The following PKHD1 variants were observed in gnomAD, a reference collection of about 807,000 sequenced individuals.
PKHD1 encodes the protein PKHD1 ciliary IPT domain containing fibrocystin/polyductin, also known as fibrocystin.
Under a neutral mutation model 412.0 loss-of-function variants are expected in PKHD1, and 291 were observed. The observed-to-expected ratio is 0.71, with a 90% CI of 0.64 to 0.78. PKHD1 has a LOEUF of 0.78. Among genes scored for constraint, PKHD1 ranks in the 30% least tolerant of loss-of-function variants. The pLI, the probability that PKHD1 is intolerant of heterozygous loss-of-function variation, is 0.00. For synonymous variants in PKHD1, 1,777 were observed against 1,821.5 expected, an observed-to-expected ratio of 0.98 and a Z score of 0.62; for missense variants, 4,825 against 4,950.7, an observed-to-expected ratio of 0.97 and a Z score of 0.76.
At chr6:51,931,249 T>G (rs1439057902) in intron 37 of PKHD1, among the ~76,000 whole-genome samples, 1 of 152,214 alleles carries the variant, frequency 6.6e-6, no homozygotes, top group Non-Finnish European at 1.5e-5. Context: ...AAGGCTCTTC[T>G]GTGCGCCAAA....
intron 61 of PKHD1, among the ~76,000 whole-genome samples, chr6:51,653,012 G>C (rs1771207521): frequency 6.6e-6 from 1 of 152,072 alleles, no homozygotes; most frequent in Admixed American, 6.6e-5. Flanking sequence ...CAATTCTAAA[G>C]AATTCTAAAT....
chr6:51,766,617 A>ATTTTTATTTTTTTTTTTTTT (rs1789073653), intron 55 of PKHD1, among the ~76,000 whole-genome samples: 2 of 151,274 alleles, frequency 1.3e-5, no homozygotes, highest in African/African-American at 4.8e-5. Flanking sequence ...GTGTATTCAT[A>ATTTTTATTTTTTTTTTTTTT]TTTTTATTTT....
chr6:52,002,518 G>A lies in PKHD1; in HGVS notation c.5751+7791C>T, dbSNP rs533462514. Among the ~76,000 whole-genome samples, 7 of 152,328 alleles carry A rather than the reference G, an allele frequency of 4.6e-5. No individual in the cohort carries two copies. The South Asian group carries it at 1.4e-3, about 32-fold the overall frequency. ...AATACAGGCACAAGGGACTCAGTAA[G>A]TTTCCTCCAGGACAGCCAGGTCAGG... On this transcript the variant is annotated intron_variant, in intron 35 of 66. Transcript: ENST00000371117.
rs530871436 is a variant in PKHD1, at chr6:51,888,131, T to C, written c.6997-886A>G. ...CCACATGATTGGACCAGTCATGACT[T>C]AGTACCAAGACAGGGTGACTGAGTA... On this transcript the variant is annotated intron_variant, in intron 43 of 66. Coordinates refer to ENST00000371117, the MANE Select transcript of PKHD1 (RefSeq NM_138694.4). Among the ~76,000 whole-genome samples, 9 of 152,368 alleles carry C rather than the reference T, an allele frequency of 5.9e-5. No individual in the cohort carries two copies. The South Asian group carries it at 1.2e-3, about 21-fold the overall frequency.
rs1766059814 is a variant in PKHD1, at chr6:51,616,308, A to T, written c.*2773T>A. On this transcript the variant is annotated 3_prime_UTR_variant, in exon 67 of 67. Transcript: ENST00000371117. ...AGAAAATCAGCAATGGGAGGCAAGAAGAGATTCTTTGAACTAACACAGGAA... is the reference window on the plus strand; with the variant it reads ...AGAAAATCAGCAATGGGAGGCAAGATGAGATTCTTTGAACTAACACAGGAA... 5.5e-6 allele frequency: 1 copy of T among 181,392 alleles called. No homozygotes were observed. Among genetic ancestry groups the T allele is most frequent in the Admixed American group, 6.2e-5 (1 of 16,192 alleles). The allele number at this position is 181,392 out of a possible 1,614,324, so 11.2% of individuals were successfully genotyped here.
At chr6:52,044,854 T>G in intron 25 of PKHD1, 112 bp downstream of exon 25, 5 of 1,197,458 alleles carry the variant, frequency 4.2e-6, no homozygotes, top group Non-Finnish European at 6.2e-6. Context: ...GTTTTACACA[T>G]TGGCAAAATG....
At chr6:51,646,390 T>A (rs1360374497) in intron 63 of PKHD1, among the ~76,000 whole-genome samples, 1 of 152,172 alleles carries the variant, frequency 6.6e-6, no homozygotes, top group Non-Finnish European at 1.5e-5. Context: ...GGAGATTGAC[T>A]GCACACAATA....
At chr6:51,635,954 C>G (rs1396577820) in intron 64 of PKHD1, among the ~76,000 whole-genome samples, 1 of 151,764 alleles carries the variant, frequency 6.6e-6, no homozygotes, top group Non-Finnish European at 1.5e-5. Context: ...CTGAGAACCC[C>G]ACGGCACCAA....
chr6:51,979,410 C>T lies in PKHD1; in HGVS notation c.5752-19384G>A, dbSNP rs113967015. On this transcript the variant is annotated intron_variant, in intron 35 of 66. Transcript: ENST00000371117. Reference sequence around the variant, plus strand: ...GAATGAATAAATGTTAAATGGACGACCATTGATTGCAACAGCCATTCTGAT... The same window carrying T: ...GAATGAATAAATGTTAAATGGACGATCATTGATTGCAACAGCCATTCTGAT... Among the ~76,000 whole-genome samples, 759 of 152,212 alleles carry T rather than the reference C, an allele frequency of 5.0e-3. 7 individuals are homozygous for T. The highest frequency in any genetic ancestry group is 0.017 in the African/African-American group (721 of 41,528).
intron 52 of PKHD1, among the ~76,000 whole-genome samples, chr6:51,797,014 G>A (rs6458785): frequency 0.59 from 89,955 of 151,780 alleles, 27,289 homozygotes; most frequent in East Asian, 0.83. Context: ...GGGTTTCACC[G>A]TGTTGCCCAG....
rs1418094636 is a variant in PKHD1, at chr6:52,046,141, T to C, written c.2455A>G (p.Asn819Asp). The C allele has an allele frequency of 6.2e-7, 1 of 1,613,782 alleles. No homozygotes were observed. Among genetic ancestry groups the C allele is most frequent in the Admixed American group, 1.7e-5 (1 of 60,022 alleles). ...CTGGATGTGAAGTCATCGGCATTAT[T>C]CTGTAAGAGCTGGTGAAGGTGATGA... ...SAHHLHQLLQ[N>D]NADDFTSRYL... Residue 819 changes from asparagine (N) to aspartate (D), a missense_variant, in exon 24 of 67, where the codon AAT becomes GAT. By Grantham distance (23) the Asn-to-Asp change is conservative. Transcript: ENST00000371117.
At chr6:51,815,191 C>T (rs748248012) in intron 52 of PKHD1, among the ~76,000 whole-genome samples, 2 of 152,212 alleles carry the variant, frequency 1.3e-5, no homozygotes, top group Non-Finnish European at 2.9e-5. Flanking sequence ...CATTTATTTA[C>T]TCTAGCATTT....
At chr6:52,084,838 A>T (rs375961476) in intron 2 of PKHD1, 44 bp downstream of exon 2, 24 of 1,167,804 alleles carry the variant, frequency 2.1e-5, no homozygotes, top group Admixed American at 1.7e-5. Context: ...AAGGTAACCT[A>T]TTGTGTTCTT....
rs534682689 is a variant in PKHD1 at position 51,737,390 on chromosome 6, T to G, written c.10156+6995A>C. On this transcript the variant is annotated intron_variant, in intron 60 of 66. Transcript: ENST00000371117. The stretch of plus-strand genomic sequence containing the variant: ...GACATTTTGAGGTCAGTCACCTCAC[T>G]TCTAGGAAAAATGATCCATTTAAAA... Among the ~76,000 whole-genome samples, 6 of 152,350 alleles carry G rather than the reference T, an allele frequency of 3.9e-5. No individual in the cohort carries two copies. The South Asian group carries it at 1.2e-3, about 32-fold the overall frequency.
intron 27 of PKHD1, among the ~76,000 whole-genome samples, chr6:52,039,131 T>C (rs977529678): frequency 1.3e-5 from 2 of 152,192 alleles, no homozygotes; most frequent in South Asian, 2.1e-4. Flanking sequence ...TGAAAAGATA[T>C]TCAACATTTT....
intron 36 of PKHD1, among the ~76,000 whole-genome samples, chr6:51,939,894 A>G (rs1333692897): frequency 1.3e-5 from 2 of 151,222 alleles, no homozygotes; most frequent in African/African-American, 4.8e-5. Context: ...TAATCCTTTT[A>G]TCACCTCCCT....
intron 35 of PKHD1, among the ~76,000 whole-genome samples, chr6:51,964,781 C>T (rs1434717721): frequency 6.6e-6 from 1 of 152,024 alleles, no homozygotes; most frequent in Non-Finnish European, 1.5e-5. Context: ...ACGAAACCAA[C>T]TTTATTTACC....
chr6:51,748,321 A>G lies in PKHD1; in HGVS notation c.9295T>C (p.Ser3099Pro). 1 of 1,614,028 alleles carries G rather than the reference A, an allele frequency of 6.2e-7. No individual in the cohort carries two copies. Among genetic ancestry groups the G allele is most frequent in the Non-Finnish European group, 8.5e-7 (1 of 1,179,972 alleles). Residue 3099 changes from serine (S) to proline (P), a missense_variant, in exon 58 of 67, where the codon TCA becomes CCA. Coordinates refer to ENST00000371117, the MANE Select transcript of PKHD1 (RefSeq NM_138694.4). Reference sequence around the variant, plus strand: ...CGGATGTGAAAGCCAAGTCTCTCTGATCCTGCCACAACGTTGCCATGGAGG... The same window carrying G: ...CGGATGTGAAAGCCAAGTCTCTCTGGTCCTGCCACAACGTTGCCATGGAGG... ...INLHGNVVAG[S>P]ERLGFHIRGH...
intron 37 of PKHD1, among the ~76,000 whole-genome samples, chr6:51,926,082 T>C (rs1384617738): frequency 6.6e-6 from 1 of 151,498 alleles, no homozygotes; most frequent in Non-Finnish European, 1.5e-5. Context: ...ACATAATACA[T>C]TAAATAATGT....
Sources: gnomAD v4.1 joint callset for allele counts (sites outside exome capture counted in the v4.1 genomes callset) on GRCh38, gnomAD v4.1.1 for gene constraint, MANE v1.5 for transcripts, NCBI Gene and HGNC (gene_info 2026-07-23, HGNC 2026-07-21) for gene names.